The following SLC24A3 variants were observed in gnomAD, a reference collection of about 807,000 sequenced individuals.
SLC24A3 encodes the protein solute carrier family 24 member 3.
In SLC24A3, 28 loss-of-function variants were observed where a neutral mutation model predicts 75.8. That is an observed-to-expected ratio of 0.37 (90% CI 0.27 to 0.51). The LOEUF (loss-of-function observed/expected upper bound fraction) is 0.51, where lower values mean the gene tolerates loss of function less well. SLC24A3 is among the 20% of genes least tolerant of loss of function. The pLI is 0.94. For synonymous variants in SLC24A3, 372 were observed against 334.1 expected (o/e 1.11, Z -1.24); for missense variants, 663 against 847.8 (o/e 0.78, Z 2.71).
At chr20:19,381,237 G>A (rs1366547473) in intron 2 of SLC24A3, among the ~76,000 whole-genome samples, 1 of 152,150 alleles carries the variant, frequency 6.6e-6, no homozygotes, top group Non-Finnish European at 1.5e-5. Context: ...GGGAGGTGGG[G>A]ACTCAACAGT....
intron 6 of SLC24A3, among the ~76,000 whole-genome samples, chr20:19,622,961 C>G (rs1485798397): frequency 6.6e-6 from 1 of 152,088 alleles, no homozygotes; most frequent in Non-Finnish European, 1.5e-5. Flanking sequence ...CTCGTGTGAA[C>G]TAATAAAGTG....
At chr20:19,418,371 C>CA (rs965870215) in intron 2 of SLC24A3, among the ~76,000 whole-genome samples, 1 of 151,454 alleles carries the variant, frequency 6.6e-6, no homozygotes, top group Non-Finnish European at 1.5e-5. Flanking sequence ...ATAGCAAAAA[C>CA]AAAAAATCCA....
intron 10 of SLC24A3, 98 bp downstream of exon 10, chr20:19,682,089 C>G: frequency 1.5e-6 from 2 of 1,347,352 alleles, no homozygotes; most frequent in Non-Finnish European, 2.0e-6. Flanking sequence ...CCCATCTTTA[C>G]TAAAAATACA....
chr20:19,536,272 C>T (rs1259807525), intron 3 of SLC24A3, among the ~76,000 whole-genome samples: 5 of 152,226 alleles, frequency 3.3e-5, no homozygotes, highest in African/African-American at 1.2e-4. Flanking sequence ...TAGTCATACA[C>T]AGTACAATGT....
In SLC24A3 at chr20:19,252,205, GT is replaced by G. The variant is rs1343276616; in HGVS notation, c.143-28752del. ...TGTTCCTCTTGACAGAGTGGGCCAT[GT>G]TAGCCAGAGCAAATGTTACCCCAGA... is the stretch of plus-strand genomic sequence containing the variant. On this transcript the variant is annotated intron_variant, in intron 1 of 16. Coordinates refer to ENST00000328041, the MANE Select transcript of SLC24A3 (RefSeq NM_020689.4). Among the ~76,000 whole-genome samples the G allele has an allele frequency of 3.3e-5, 5 of 152,232 alleles. No individual in the cohort carries two copies. In the East Asian group the frequency reaches 9.6e-4, roughly 29 times the overall value.
chr20:19,693,868 A>T (rs6035413), intron 13 of SLC24A3: 59,104 of 154,736 alleles, frequency 0.38, 12,043 homozygotes, highest in African/African-American at 0.52. Flanking sequence ...TCACGTCCAC[A>T]CACATTTTAC....
At chr20:19,656,589 A>G (rs937001031) in intron 7 of SLC24A3, among the ~76,000 whole-genome samples, 1 of 152,192 alleles carries the variant, frequency 6.6e-6, no homozygotes, top group Non-Finnish European at 1.5e-5. Flanking sequence ...CTCTTCTGCC[A>G]TTACAGGATG....
chr20:19,365,223 C>T (rs947784917), intron 2 of SLC24A3, among the ~76,000 whole-genome samples: 1 of 152,150 alleles, frequency 6.6e-6, no homozygotes. Flanking sequence ...CAGAGTTTCT[C>T]AAAGAGAGTT....
At chr20:19,529,193 G>A (rs1568645735) in intron 3 of SLC24A3, among the ~76,000 whole-genome samples, 1 of 152,036 alleles carries the variant, frequency 6.6e-6, no homozygotes, top group African/African-American at 2.4e-5. Context: ...ATGTGTGTGT[G>A]TATATGTATA....
At chr20:19,705,410 A>G (rs2032918726) in intron 15 of SLC24A3, among the ~76,000 whole-genome samples, 1 of 152,216 alleles carries the variant, frequency 6.6e-6, no homozygotes, top group Admixed American at 6.5e-5. Flanking sequence ...GGTGGGGGAC[A>G]TCACCATGGA....
At chr20:19,444,736 A>AT (rs1452427293) in intron 2 of SLC24A3, among the ~76,000 whole-genome samples, 1 of 151,990 alleles carries the variant, frequency 6.6e-6, no homozygotes, top group African/African-American at 2.4e-5. Flanking sequence ...GGCTTGATCA[A>AT]TTTTATTGTC....
intron 2 of SLC24A3, among the ~76,000 whole-genome samples, chr20:19,332,838 T>G (rs1374434424): frequency 6.6e-6 from 1 of 152,224 alleles, no homozygotes; most frequent in African/African-American, 2.4e-5. Flanking sequence ...GGTTCTCTTC[T>G]CTGCCTCTAT....
chr20:19,212,849 C>A lies in SLC24A3; in HGVS notation c.7C>A (p.Pro3Thr). 9.1e-7 allele frequency: 1 copy of A among 1,097,926 alleles called. No individual in the cohort carries two copies. The highest frequency in any genetic ancestry group is 1.1e-6 in the Non-Finnish European group (1 of 902,472). 68.0% of individuals were successfully genotyped at this position (1,097,926 alleles called of 1,614,324 possible). A position where few individuals can be genotyped will look rare whatever the true frequency, so the allele number is the denominator to read the frequency against. ...GCCGCCCGGCCGCCCGAGGATGCGG[C>A]CGTCCGGCGACGAGGACCGCGCGCG... MR[P>T]SGDEDRARRR... Residue 3 changes from proline to threonine, a missense_variant, in exon 1 of 17, where the codon CCG becomes ACG. Pro to Thr is a conservative substitution (Grantham distance 38, BLOSUM62 -1). Coordinates refer to ENST00000328041, the MANE Select transcript of SLC24A3 (RefSeq NM_020689.4).
intron 6 of SLC24A3, among the ~76,000 whole-genome samples, chr20:19,617,364 G>A (rs1336829717): frequency 6.6e-6 from 1 of 152,222 alleles, no homozygotes; most frequent in Non-Finnish European, 1.5e-5. Context: ...ACCTGGAGGT[G>A]TTGGGCAAGA....
At chr20:19,654,740 C>T (rs968757703) in intron 7 of SLC24A3, among the ~76,000 whole-genome samples, 70 of 150,674 alleles carry the variant, frequency 4.6e-4, no homozygotes, top group African/African-American at 2.0e-4. Flanking sequence ...CTCCGCCTCC[C>T]GGGTCCCAAT....
At chr20:19,676,719 A>G (rs2032528284) in intron 9 of SLC24A3, among the ~76,000 whole-genome samples, 1 of 152,260 alleles carries the variant, frequency 6.6e-6, no homozygotes, top group South Asian at 2.1e-4. Flanking sequence ...AAGCAATTTC[A>G]GATTGTCCAG....
At chr20:19,255,870 A>G (rs1304234225) in intron 1 of SLC24A3, among the ~76,000 whole-genome samples, 1 of 152,076 alleles carries the variant, frequency 6.6e-6, no homozygotes, top group Non-Finnish European at 1.5e-5. Flanking sequence ...CCAAGGAGGG[A>G]GGATTACTTG....
chr20:19,381,921 G>T (rs1432492758), intron 2 of SLC24A3, among the ~76,000 whole-genome samples: 4 of 152,202 alleles, frequency 2.6e-5, no homozygotes. Context: ...ACAGAAATAA[G>T]CAGTGGGAGC....
intron 6 of SLC24A3, among the ~76,000 whole-genome samples, chr20:19,605,578 T>C (rs1470637382): frequency 2.0e-5 from 3 of 152,186 alleles, no homozygotes; most frequent in Non-Finnish European, 4.4e-5. Flanking sequence ...ATTATCCCTA[T>C]GTTTGTTCAT....
Sources: gnomAD v4.1 joint callset for allele counts (sites outside exome capture counted in the v4.1 genomes callset) on GRCh38, gnomAD v4.1.1 for gene constraint, MANE v1.5 for transcripts, NCBI Gene and HGNC (gene_info 2026-07-23, HGNC 2026-07-21) for gene names.